The following RBFOX1 variants were observed in gnomAD, a reference collection of about 807,000 sequenced individuals.
RBFOX1 encodes RNA binding fox-1 homolog 1, also known as RNA binding protein fox-1 homolog 1.
Under a neutral mutation model 57.7 loss-of-function variants are expected in RBFOX1, and 8 were observed. The observed-to-expected ratio is 0.14, with a 90% CI of 0.08 to 0.25. RBFOX1 has a LOEUF of 0.25. RBFOX1 is among the 10% of genes least tolerant of loss of function. The pLI, the probability that RBFOX1 is intolerant of heterozygous loss-of-function variation, is 1.00. For missense variants in RBFOX1, 611 were observed against 548.5 expected (o/e 1.11, Z -1.14); for synonymous variants, 326 against 222.4 (o/e 1.47, Z -4.15).
chr16:5,320,746 C>G (rs988244426), intron 1 of RBFOX1, among the ~76,000 whole-genome samples: 2 of 152,146 alleles, frequency 1.3e-5, no homozygotes, highest in African/African-American at 2.4e-5. Context: ...GGTTTCCTGG[C>G]CACCCTTGAT....
intron 2 of RBFOX1, among the ~76,000 whole-genome samples, chr16:6,543,207 C>T (rs753690279): frequency 6.6e-6 from 1 of 152,188 alleles, no homozygotes. Flanking sequence ...AGAGGATGCA[C>T]TAGGCTTAAT....
intron 3 of RBFOX1, among the ~76,000 whole-genome samples, chr16:5,783,428 T>G (rs1337553687): frequency 6.6e-6 from 1 of 152,210 alleles, no homozygotes; most frequent in African/African-American, 2.4e-5. Context: ...ATGGTGTATA[T>G]AGAGATTTTT....
intron 3 of RBFOX1, among the ~76,000 whole-genome samples, chr16:6,927,966 G>T (rs1056582963): frequency 2.0e-5 from 3 of 152,148 alleles, no homozygotes; most frequent in Non-Finnish European, 4.4e-5. Flanking sequence ...TTGCATCTCC[G>T]TAAAGTTTCC....
chr16:7,583,843 C>G (rs536606569), intron 6 of RBFOX1, among the ~76,000 whole-genome samples: 1 of 152,150 alleles, frequency 6.6e-6, no homozygotes, highest in South Asian at 2.1e-4. Flanking sequence ...AAAAACCACA[C>G]CAAAACAAAA....
At chr16:6,528,866 G>T (rs1598968146) in intron 2 of RBFOX1, among the ~76,000 whole-genome samples, 1 of 152,122 alleles carries the variant, frequency 6.6e-6, no homozygotes, top group Admixed American at 6.6e-5. Context: ...ATGTCTCCAG[G>T]CATTCCCAAA....
intron 2 of RBFOX1, among the ~76,000 whole-genome samples, chr16:6,554,058 A>G (rs945885509): frequency 1.3e-5 from 2 of 152,222 alleles, no homozygotes; most frequent in East Asian, 1.9e-4. Context: ...GAATGGATAA[A>G]TAAGTGCTGG....
At chr16:7,692,631 T>C (rs1332520049) in intron 14 of RBFOX1, among the ~76,000 whole-genome samples, 1 of 152,212 alleles carries the variant, frequency 6.6e-6, no homozygotes, top group Non-Finnish European at 1.5e-5. Flanking sequence ...ACCTCTGAAT[T>C]AGAACACATA....
chr16:6,909,381 A>C (rs953288912), intron 3 of RBFOX1, among the ~76,000 whole-genome samples: 2 of 151,786 alleles, frequency 1.3e-5, no homozygotes, highest in Non-Finnish European at 2.9e-5. Context: ...AATCCTGGCA[A>C]CTCTTCCATT....
At chr16:5,427,188 G>C (rs1251081153) in intron 1 of RBFOX1, among the ~76,000 whole-genome samples, 1 of 152,222 alleles carries the variant, frequency 6.6e-6, no homozygotes, top group East Asian at 1.9e-4. Context: ...AGAGAATTAG[G>C]ATTCACCAGA....
chr16:7,131,370 A>G (rs1471525424), intron 4 of RBFOX1, among the ~76,000 whole-genome samples: 1 of 148,450 alleles, frequency 6.7e-6, no homozygotes, highest in Non-Finnish European at 1.5e-5. Context: ...TTTTTAAAAA[A>G]AAAAAAAAAG....
chr16:7,046,043 C>G (rs114487004), intron 3 of RBFOX1, among the ~76,000 whole-genome samples: 2,593 of 152,204 alleles, frequency 0.017, 76 homozygotes, highest in African/African-American at 0.059. Context: ...CTGCAAGGTA[C>G]TGATATTAAA....
chr16:6,201,989 A>C (rs986806521), intron 1 of RBFOX1, among the ~76,000 whole-genome samples: 1 of 152,172 alleles, frequency 6.6e-6, no homozygotes. Context: ...AACATGTCAG[A>C]GTATTGGAAG....
intron 4 of RBFOX1, among the ~76,000 whole-genome samples, chr16:7,084,159 C>T (rs1225116403): frequency 6.6e-6 from 1 of 152,100 alleles, no homozygotes; most frequent in Non-Finnish European, 1.5e-5. Context: ...CTGTGGTAAA[C>T]AGGAGAGCAT....
intron 1 of RBFOX1, among the ~76,000 whole-genome samples, chr16:6,126,285 C>T (rs975363417): frequency 4.6e-5 from 7 of 152,212 alleles, no homozygotes; most frequent in South Asian, 2.1e-4. Flanking sequence ...ACCTAACCTT[C>T]GCAGGCCGTT....
chr16:6,442,974 A>G (rs762415698), intron 2 of RBFOX1, among the ~76,000 whole-genome samples: 1 of 152,216 alleles, frequency 6.6e-6, no homozygotes, highest in Non-Finnish European at 1.5e-5. Flanking sequence ...ACCCTGAGAC[A>G]TTCTGATGTG....
At chr16:5,580,005 A>G (rs1312158270) in intron 2 of RBFOX1, among the ~76,000 whole-genome samples, 2 of 152,156 alleles carry the variant, frequency 1.3e-5, no homozygotes, top group Admixed American at 6.5e-5. Context: ...CCCTGACCTC[A>G]GGTGATGCAC....
At chr16:7,208,544 A>C (rs945583921) in intron 4 of RBFOX1, among the ~76,000 whole-genome samples, 1 of 152,210 alleles carries the variant, frequency 6.6e-6, no homozygotes, top group South Asian at 2.1e-4. Context: ...CTTTTTCACA[A>C]CCTGTTCTCT....
chr16:6,991,984 G>T (rs542435350), intron 3 of RBFOX1, among the ~76,000 whole-genome samples: 2 of 152,148 alleles, frequency 1.3e-5, no homozygotes, highest in East Asian at 3.9e-4. Context: ...AGGACTCCCT[G>T]TGTTTCAGAA....
intron 3 of RBFOX1, among the ~76,000 whole-genome samples, chr16:7,042,764 A>G (rs1482990315): frequency 6.6e-6 from 1 of 152,132 alleles, no homozygotes; most frequent in Non-Finnish European, 1.5e-5. Context: ...CATCTCTGCT[A>G]CAAATGCAAA....
Sources: gnomAD v4.1 joint callset for allele counts (sites outside exome capture counted in the v4.1 genomes callset) on GRCh38, gnomAD v4.1.1 for gene constraint, MANE v1.5 for transcripts, NCBI Gene and HGNC (gene_info 2026-07-23, HGNC 2026-07-21) for gene names.